The following DPYD variants were observed in gnomAD, a reference collection of about 807,000 sequenced individuals.
DPYD encodes dihydropyrimidine dehydrogenase [NADP(+)].
A neutral mutation model predicts 116.2 loss-of-function variants in DPYD; 109 were observed. The ratio of observed to expected loss-of-function variants is 0.94; its 90% CI spans 0.80 to 1.10. The LOEUF is 1.10. Among genes scored for constraint, DPYD ranks in the 50% least tolerant of loss-of-function variants. DPYD has a pLI of 0.00. For synonymous variants in DPYD, 440 were observed against 432.0 expected, an observed-to-expected ratio of 1.02 and a Z score of -0.23; for missense variants, 1,302 against 1,254.5, an observed-to-expected ratio of 1.04 and a Z score of -0.57.
rs111946492 is a variant in DPYD, at chr1:97,204,155, C to G, written c.2443-10907G>C. Reference sequence around the variant, plus strand: ...AACACGGTGCATATTTATGGGAGGGCTAGAGAAGCAAAGCAATAAGGTTTG... The same window carrying G: ...AACACGGTGCATATTTATGGGAGGGGTAGAGAAGCAAAGCAATAAGGTTTG... On this transcript the variant is annotated intron_variant, in intron 19 of 22. Coordinates refer to ENST00000370192, the MANE Select transcript of DPYD (RefSeq NM_000110.4). Among the ~76,000 whole-genome samples the G allele has an allele frequency of 3.1e-3, 471 of 152,090 alleles. 7 individuals carry two copies. The highest frequency in any genetic ancestry group is 0.011 in the African/African-American group (448 of 41,494).
intron 16 of DPYD, among the ~76,000 whole-genome samples, chr1:97,310,869 T>C (rs991809894): frequency 1.3e-5 from 2 of 151,702 alleles, no homozygotes; most frequent in Non-Finnish European, 2.9e-5. Context: ...AATATGTGAG[T>C]TGAATAAACA....
intron 8 of DPYD, among the ~76,000 whole-genome samples, chr1:97,633,472 G>T (rs1404811120): frequency 6.6e-6 from 1 of 152,060 alleles, no homozygotes; most frequent in Non-Finnish European, 1.5e-5. Context: ...AACCTAGAGA[G>T]AGTGGGAGGG....
At chr1:97,312,463 C>T (rs1022888712) in intron 16 of DPYD, among the ~76,000 whole-genome samples, 1 of 151,768 alleles carries the variant, frequency 6.6e-6, no homozygotes, top group Non-Finnish European at 1.5e-5. Context: ...ACAAAGATGT[C>T]TGCCATTCAC....
At chr1:97,283,555 C>T (rs1038854942) in intron 18 of DPYD, among the ~76,000 whole-genome samples, 1 of 151,902 alleles carries the variant, frequency 6.6e-6, no homozygotes, top group African/African-American at 2.4e-5. Flanking sequence ...AAATAACTGC[C>T]ATATTCATTT....
At chr1:97,119,876 T>A (rs148472787) in intron 20 of DPYD, among the ~76,000 whole-genome samples, 39 of 152,290 alleles carry the variant, frequency 2.6e-4, no homozygotes, top group Middle Eastern at 6.8e-3. Flanking sequence ...GGGAGCAGTT[T>A]AAAGATTTAA....
At chr1:97,564,225 G>A (rs568828002) in intron 11 of DPYD, among the ~76,000 whole-genome samples, 2 of 152,266 alleles carry the variant, frequency 1.3e-5, no homozygotes, top group South Asian at 2.1e-4. Context: ...CGAACAGGTG[G>A]TAGAGAGAGT....
chr1:97,584,847 C>T (rs1345101603), intron 10 of DPYD, among the ~76,000 whole-genome samples: 2 of 149,428 alleles, frequency 1.3e-5, no homozygotes, highest in Non-Finnish European at 3.0e-5. Context: ...ATACCTAATG[C>T]TAAATGACAA....
rs1663141796 is a variant in DPYD, at chr1:97,724,847, T to C, written c.322-3176A>G. Among the ~76,000 whole-genome samples, 4 of 150,866 alleles carry C rather than the reference T, an allele frequency of 2.7e-5. No individual in the cohort carries two copies. In the East Asian group the frequency reaches 7.8e-4, roughly 29 times the overall value. Reference sequence around the variant, plus strand: ...CTTCTATTCACCATAGCACTTGAAATTCTTGCTAGATAATTAGGCATAAAA... The same window carrying C: ...CTTCTATTCACCATAGCACTTGAAACTCTTGCTAGATAATTAGGCATAAAA... On this transcript the variant is annotated intron_variant, in intron 4 of 22. Transcript: ENST00000370192.
intron 3 of DPYD, among the ~76,000 whole-genome samples, chr1:97,793,660 A>G (rs186031405): frequency 6.6e-6 from 1 of 152,284 alleles, no homozygotes; most frequent in East Asian, 1.9e-4. Context: ...AAACAAAAAC[A>G]AAACAAAACG....
chr1:97,193,240 A>G lies in DPYD; in HGVS notation c.2451T>C (p.Ser817=). 6.2e-7 allele frequency: 1 copy of G among 1,613,486 alleles called. No individual in the cohort carries two copies. Among genetic ancestry groups the G allele is most frequent in the Non-Finnish European group, 8.5e-7 (1 of 1,179,748 alleles). ...HSGASVLQVC[S]AIQNQDFTVI... ...CAGTGAAATCCTGATTCTGAATGGCACTGCATACCTAGAAAAGACAGAGCA... is the reference window on the plus strand; with the variant it reads ...CAGTGAAATCCTGATTCTGAATGGCGCTGCATACCTAGAAAAGACAGAGCA... The change falls in exon 20 of 23, where the codon AGT becomes AGC. Residue 817 remains serine (S), a synonymous_variant. Transcript: ENST00000370192.
chr1:97,784,576 A>T (rs1666921152), intron 3 of DPYD, among the ~76,000 whole-genome samples: 1 of 152,236 alleles, frequency 6.6e-6, no homozygotes, highest in Admixed American at 6.5e-5. Flanking sequence ...TACTTTACCA[A>T]GAAAAGAAAT....
intron 3 of DPYD, among the ~76,000 whole-genome samples, chr1:97,782,985 G>A (rs1050177000): frequency 3.9e-5 from 6 of 152,188 alleles, no homozygotes; most frequent in African/African-American, 1.4e-4. Context: ...GGGCACTGGA[G>A]AATTCTGAAA....
chr1:97,889,857 AAAC>A (rs1345130242), intron 1 of DPYD, among the ~76,000 whole-genome samples: 1 of 152,002 alleles, frequency 6.6e-6, no homozygotes, highest in African/African-American at 2.4e-5. Context: ...CTAGATGAAA[AAAC>A]AACTTCTACT....
intron 8 of DPYD, among the ~76,000 whole-genome samples, chr1:97,621,783 T>C (rs1294573380): frequency 6.6e-6 from 1 of 151,860 alleles, no homozygotes; most frequent in Non-Finnish European, 1.5e-5. Context: ...TAGATCATCT[T>C]GTAGGGCCAG....
At chr1:97,436,029 T>C (rs1401927548) in intron 14 of DPYD, among the ~76,000 whole-genome samples, 1 of 152,054 alleles carries the variant, frequency 6.6e-6, no homozygotes, top group Non-Finnish European at 1.5e-5. Flanking sequence ...TTTTCTAAAA[T>C]TGCTTACAAA....
chr1:97,591,537 T>C (rs2102246258), intron 10 of DPYD, among the ~76,000 whole-genome samples: 1 of 152,310 alleles, frequency 6.6e-6, no homozygotes, highest in Non-Finnish European at 1.5e-5. Flanking sequence ...GGTCTCAGTT[T>C]GTTTGTGTCT....
At chr1:97,772,584 T>A (rs1413502500) in intron 3 of DPYD, among the ~76,000 whole-genome samples, 1 of 152,180 alleles carries the variant, frequency 6.6e-6, no homozygotes, top group Admixed American at 6.5e-5. Context: ...GTGTGCAGAT[T>A]TGTTCAAAAT....
At chr1:97,507,552 A>C (rs1570861507) in intron 13 of DPYD, among the ~76,000 whole-genome samples, 1 of 152,006 alleles carries the variant, frequency 6.6e-6, no homozygotes, top group East Asian at 1.9e-4. Flanking sequence ...CTTTATTTCT[A>C]ACAAGGTTTC....
chr1:97,896,922 G>A (rs542539790), intron 1 of DPYD, among the ~76,000 whole-genome samples: 2 of 151,938 alleles, frequency 1.3e-5, no homozygotes, highest in East Asian at 3.9e-4. Flanking sequence ...TAATTTAAAT[G>A]ACCAATTCTC....
Sources: gnomAD v4.1 joint callset for allele counts (sites outside exome capture counted in the v4.1 genomes callset) on GRCh38, gnomAD v4.1.1 for gene constraint, MANE v1.5 for transcripts, NCBI Gene and HGNC (gene_info 2026-07-23, HGNC 2026-07-21) for gene names.